The following KCTD8 variants were observed in gnomAD, a reference collection of about 807,000 sequenced individuals.
The protein encoded by KCTD8 is BTB/POZ domain-containing protein KCTD8.
Under a neutral mutation model 31.5 loss-of-function variants are expected in KCTD8, and 27 were observed. That is an observed-to-expected ratio of 0.86 (90% CI 0.63 to 1.18). The LOEUF is 1.18. KCTD8 is among the 50% of genes most tolerant of loss of function. The pLI, the probability that KCTD8 is intolerant of heterozygous loss-of-function variation, is 0.00. For synonymous variants in KCTD8, 290 were observed against 280.0 expected, an observed-to-expected ratio of 1.04 and a Z score of -0.36; for missense variants, 658 against 647.7, an observed-to-expected ratio of 1.02 and a Z score of -0.17.
rs1164547278 is a variant in KCTD8 at position 44,447,844 on chromosome 4, G to C, written c.680C>G (p.Ala227Gly). The C allele has an allele frequency of 1.3e-6, 2 of 1,587,598 alleles. No homozygotes were observed. The highest frequency in any genetic ancestry group is 2.7e-5 in the African/African-American group (2 of 74,244). ...YTTVRDNQAD[A>G]KFRRVARIMV... ...GATGCGCGCCACACGCCGGAATTTG[G>C]CGTCGGCCTGGTTGTCGCGCACGGT... Residue 227 changes from alanine (A) to glycine (G), a missense_variant, in exon 1 of 2, where the codon GCC becomes GGC. Ala to Gly is a moderately conservative substitution (Grantham distance 60). Transcript: ENST00000360029.
intron 1 of KCTD8, among the ~76,000 whole-genome samples, chr4:44,383,562 G>A (rs1481699487): frequency 6.6e-6 from 1 of 151,966 alleles, no homozygotes; most frequent in Non-Finnish European, 1.5e-5. Flanking sequence ...TGTACAATGG[G>A]GAAAGGACAG....
chr4:44,367,829 C>T (rs1446913623), intron 1 of KCTD8, among the ~76,000 whole-genome samples: 1 of 151,312 alleles, frequency 6.6e-6, no homozygotes, highest in Non-Finnish European at 1.5e-5. Flanking sequence ...TTTGATATAA[C>T]CTTTAAAGCT....
chr4:44,225,218 C>T (rs1473390612), intron 1 of KCTD8, among the ~76,000 whole-genome samples: 2 of 152,164 alleles, frequency 1.3e-5, no homozygotes, highest in African/African-American at 4.8e-5. Flanking sequence ...CTAACAAAGT[C>T]TATGTGGAAA....
chr4:44,244,089 G>T (rs1715582338), intron 1 of KCTD8, among the ~76,000 whole-genome samples: 1 of 152,162 alleles, frequency 6.6e-6, no homozygotes, highest in Non-Finnish European at 1.5e-5. Flanking sequence ...TTATACTACA[G>T]ATCATTCCAA....
chr4:44,371,800 T>C (rs1719793867), intron 1 of KCTD8, among the ~76,000 whole-genome samples: 1 of 152,170 alleles, frequency 6.6e-6, no homozygotes, highest in South Asian at 2.1e-4. Flanking sequence ...TAAAATGAAA[T>C]GAATATATCT....
intron 1 of KCTD8, among the ~76,000 whole-genome samples, chr4:44,262,933 A>G (rs557919041): frequency 6.6e-6 from 1 of 152,142 alleles, no homozygotes; most frequent in South Asian, 2.1e-4. Context: ...TGGTATGAAA[A>G]CTAGAGCAAA....
chr4:44,320,755 G>C (rs1718272471), intron 1 of KCTD8, among the ~76,000 whole-genome samples: 1 of 150,706 alleles, frequency 6.6e-6, no homozygotes, highest in South Asian at 2.1e-4. Flanking sequence ...ATAAATCCCT[G>C]TGCGATAGTG....
At chr4:44,369,474 G>A (rs1719727933) in intron 1 of KCTD8, among the ~76,000 whole-genome samples, 1 of 152,184 alleles carries the variant, frequency 6.6e-6, no homozygotes, top group African/African-American at 2.4e-5. Flanking sequence ...CAGGTCTTCT[G>A]AATTTTGCTA....
chr4:44,260,070 T>C (rs539913722), intron 1 of KCTD8, among the ~76,000 whole-genome samples: 1 of 151,972 alleles, frequency 6.6e-6, no homozygotes, highest in African/African-American at 2.4e-5. Context: ...TATACTAGTC[T>C]TTGAACTTCA....
intron 1 of KCTD8, among the ~76,000 whole-genome samples, chr4:44,410,678 T>G (rs992813990): frequency 6.6e-6 from 1 of 152,058 alleles, no homozygotes; most frequent in Non-Finnish European, 1.5e-5. Flanking sequence ...ATGTCTTATG[T>G]GGATGATGGC....
intron 1 of KCTD8, among the ~76,000 whole-genome samples, chr4:44,275,033 C>G (rs907100375): frequency 2.6e-5 from 4 of 151,782 alleles, no homozygotes; most frequent in Admixed American, 2.0e-4. Context: ...GAATATATGT[C>G]TTGATGGTAA....
intron 1 of KCTD8, among the ~76,000 whole-genome samples, chr4:44,224,114 ATACT>A (rs1345853334): frequency 6.6e-6 from 1 of 152,104 alleles, no homozygotes; most frequent in African/African-American, 2.4e-5. Flanking sequence ...GAGTAATGGT[ATACT>A]TAAATAAATA....
chr4:44,265,051 C>A (rs1242105811), intron 1 of KCTD8, among the ~76,000 whole-genome samples: 3 of 152,166 alleles, frequency 2.0e-5, no homozygotes. Flanking sequence ...GTTCTCCCAG[C>A]ACGCAGCTGG....
intron 1 of KCTD8, among the ~76,000 whole-genome samples, chr4:44,274,131 T>G (rs1177692613): frequency 1.3e-5 from 2 of 151,854 alleles, no homozygotes; most frequent in Non-Finnish European, 2.9e-5. Context: ...TAAAAAAGAT[T>G]TTATAATATT....
At chr4:44,345,092 G>A (rs1252584368) in intron 1 of KCTD8, among the ~76,000 whole-genome samples, 1 of 151,964 alleles carries the variant, frequency 6.6e-6, no homozygotes, top group Admixed American at 6.6e-5. Flanking sequence ...TGAATAGACA[G>A]TTTCTTCTTT....
chr4:44,341,773 C>T (rs776353666), intron 1 of KCTD8, among the ~76,000 whole-genome samples: 1 of 152,168 alleles, frequency 6.6e-6, no homozygotes, highest in East Asian at 1.9e-4. Context: ...TTGGAATCAA[C>T]TTCTTCCAAA....
intron 1 of KCTD8, among the ~76,000 whole-genome samples, chr4:44,241,613 T>C (rs1940414916): frequency 6.6e-6 from 1 of 152,206 alleles, no homozygotes; most frequent in Non-Finnish European, 1.5e-5. Flanking sequence ...ATGAATACTA[T>C]TTATTTAATC....
At chr4:44,205,737 G>C (rs1714285672) in intron 1 of KCTD8, among the ~76,000 whole-genome samples, 1 of 152,178 alleles carries the variant, frequency 6.6e-6, no homozygotes, top group African/African-American at 2.4e-5. Flanking sequence ...AAGCAGTCAG[G>C]CTGATGGAGA....
intron 1 of KCTD8, among the ~76,000 whole-genome samples, chr4:44,273,318 T>C (rs1381695149): frequency 6.6e-6 from 1 of 151,968 alleles, no homozygotes; most frequent in African/African-American, 2.4e-5. Flanking sequence ...TCTCCCAGGA[T>C]CAAATTTACA....
Sources: gnomAD v4.1 joint callset for allele counts (sites outside exome capture counted in the v4.1 genomes callset) on GRCh38, gnomAD v4.1.1 for gene constraint, MANE v1.5 for transcripts, NCBI Gene and HGNC (gene_info 2026-07-23, HGNC 2026-07-21) for gene names.